DLG2: variants seen among roughly 807,000 people sequenced by gnomAD.
DLG2 encodes the protein disks large homolog 2.
DLG2 carries 45 observed loss-of-function variants against 132.5 expected under a neutral mutation model. The ratio of observed to expected loss-of-function variants is 0.34; its 90% CI spans 0.27 to 0.44. The LOEUF (loss-of-function observed/expected upper bound fraction) is 0.44. DLG2 is among the 20% of genes least tolerant of loss of function. DLG2 has a pLI of 1.00. For synonymous variants in DLG2, 424 were observed against 419.6 expected, an observed-to-expected ratio of 1.01 and a Z score of -0.13; for missense variants, 1,045 against 1,196.9, an observed-to-expected ratio of 0.87 and a Z score of 1.87.
chr11:83,814,934 G>T (rs367548268), intron 17 of DLG2: 3 of 188,530 alleles, frequency 1.6e-5, no homozygotes, highest in East Asian at 2.5e-4. Flanking sequence ...GCACAGTCAA[G>T]AAATGGAAAT....
At chr11:83,650,139 C>T (rs760413133) in intron 18 of DLG2, among the ~76,000 whole-genome samples, 7 of 152,168 alleles carry the variant, frequency 4.6e-5, no homozygotes, top group Non-Finnish European at 7.3e-5. Flanking sequence ...TGCCCGTGTG[C>T]AGTAGGCTGA....
At chr11:84,844,436 A>G (rs1291525347) in intron 6 of DLG2, among the ~76,000 whole-genome samples, 1 of 151,556 alleles carries the variant, frequency 6.6e-6, no homozygotes, top group Admixed American at 6.6e-5. Flanking sequence ...ACATTCCACA[A>G]TTTCTCTTCA....
intron 10 of DLG2, among the ~76,000 whole-genome samples, chr11:84,094,955 A>G (rs937537560): frequency 1.3e-5 from 2 of 152,242 alleles, no homozygotes; most frequent in Admixed American, 6.5e-5. Flanking sequence ...AAGGAAACAT[A>G]GCAGATTCAG....
chr11:85,187,178 A>T (rs1017179267), intron 4 of DLG2, among the ~76,000 whole-genome samples: 3 of 152,156 alleles, frequency 2.0e-5, no homozygotes, highest in Non-Finnish European at 2.9e-5. Flanking sequence ...CCAGGGGGGA[A>T]ATCTATAGAA....
rs560810738 is a variant in DLG2 at position 83,987,538 on chromosome 11, T to A, written c.920-6896A>T. Among the ~76,000 whole-genome samples, 91 of 152,138 alleles carry A rather than the reference T, an allele frequency of 6.0e-4. 2 individuals are homozygous for A. Among genetic ancestry groups the A allele is most frequent in the Admixed American group, 3.8e-3 (58 of 15,262 alleles). On this transcript the variant is annotated intron_variant, in intron 11 of 27. Coordinates refer to ENST00000376104, the MANE Select transcript of DLG2 (RefSeq NM_001142699.3). ...AACAGAACAGAGCCCTCAGAAATAA[T>A]ACCGCATATCTACAACTATCTGATC...
intron 15 of DLG2, among the ~76,000 whole-genome samples, chr11:83,906,257 TCACACACACACACACACACACACACACA>T (rs540642615): frequency 1.2e-4 from 8 of 67,192 alleles, no homozygotes; most frequent in African/African-American, 3.1e-4. Flanking sequence ...TCTCTCTCTC[TCACACACACACACACACACACACACACA>T]CACACACACA....
chr11:85,503,969 G>A (rs549021149), intron 3 of DLG2, among the ~76,000 whole-genome samples: 31 of 152,228 alleles, frequency 2.0e-4, no homozygotes, highest in African/African-American at 7.2e-4. Context: ...CAGTGATGAT[G>A]AGCATTTTGT....
At chr11:83,596,537 C>T (rs1405709338) in intron 19 of DLG2, among the ~76,000 whole-genome samples, 7 of 152,178 alleles carry the variant, frequency 4.6e-5, no homozygotes, top group Admixed American at 4.6e-4. Context: ...CTGGTCTCAG[C>T]CGCCTATGAT....
chr11:83,689,973 TATTATAATA>T (rs1326648939), intron 18 of DLG2, among the ~76,000 whole-genome samples: 2 of 136,496 alleles, frequency 1.5e-5, no homozygotes, highest in Non-Finnish European at 1.5e-5. Flanking sequence ...TATATATTTA[TATTATAATA>T]TATTTATTAT....
intron 6 of DLG2, among the ~76,000 whole-genome samples, chr11:84,684,520 TG>T (rs1299527975): frequency 6.6e-6 from 1 of 152,188 alleles, no homozygotes; most frequent in East Asian, 1.9e-4. Flanking sequence ...ATCAACTCTA[TG>T]GGTACCCTTC....
At position 85,516,471 on chromosome 11, in the gene DLG2, C is replaced by CA. The variant is rs548295247; in HGVS notation, c.40+82185dup. On this transcript the variant is annotated intron_variant, in intron 3 of 27. Coordinates refer to ENST00000376104, the MANE Select transcript of DLG2 (RefSeq NM_001142699.3). ...GAGCAGAATTAAATGAAATTGAGAC[C>CA]AAAAAAAAGAATCAACCAAATGAAA... Among the ~76,000 whole-genome samples, 49 of 150,640 alleles carry CA rather than the reference C, an allele frequency of 3.3e-4. 1 individual carries two copies. The South Asian group carries it at 8.8e-3, about 27-fold the overall frequency.
At chr11:85,322,519 G>C (rs1157316447) in intron 3 of DLG2, among the ~76,000 whole-genome samples, 1 of 152,172 alleles carries the variant, frequency 6.6e-6, no homozygotes, top group Admixed American at 6.5e-5. Flanking sequence ...AGCTGATATT[G>C]CTTCCCTATG....
chr11:85,299,782 T>C (rs912657444), intron 3 of DLG2, among the ~76,000 whole-genome samples: 2 of 152,180 alleles, frequency 1.3e-5, no homozygotes, highest in Admixed American at 6.6e-5. Context: ...ACTTTTCTAA[T>C]AAATTCCCAT....
chr11:84,133,319 T>A (rs1182314247), intron 9 of DLG2, among the ~76,000 whole-genome samples: 1 of 152,080 alleles, frequency 6.6e-6, no homozygotes, highest in East Asian at 1.9e-4. Flanking sequence ...TTATTATTGA[T>A]GTTTTTAGTT....
chr11:84,658,930 C>T (rs1017811640), intron 6 of DLG2, among the ~76,000 whole-genome samples: 1 of 152,166 alleles, frequency 6.6e-6, no homozygotes, highest in African/African-American at 2.4e-5. Context: ...TGTGAGATTA[C>T]ATCAAGAAGA....
intron 3 of DLG2, among the ~76,000 whole-genome samples, chr11:85,488,962 A>G (rs1565572189): frequency 6.6e-6 from 1 of 152,324 alleles, no homozygotes; most frequent in South Asian, 2.1e-4. Context: ...AAAAAGAATC[A>G]GATGATACCA....
chr11:84,016,562 G>T (rs957178499), intron 11 of DLG2, among the ~76,000 whole-genome samples: 1 of 151,930 alleles, frequency 6.6e-6, no homozygotes, highest in Non-Finnish European at 1.5e-5. Context: ...TCAATTTTCT[G>T]CCTATGGCTA....
chr11:83,781,893 G>C (rs938609691), intron 18 of DLG2, among the ~76,000 whole-genome samples: 10 of 152,084 alleles, frequency 6.6e-5, no homozygotes, highest in African/African-American at 2.4e-4. Flanking sequence ...ATCTGACTTG[G>C]GGAAATGCTG....
chr11:84,624,064 A>G (rs2099618224), intron 6 of DLG2, among the ~76,000 whole-genome samples: 1 of 152,232 alleles, frequency 6.6e-6, no homozygotes, highest in Admixed American at 6.5e-5. Flanking sequence ...AAAATCTTTG[A>G]ATAATGTAGG....
Sources: allele counts gnomAD v4.1 joint callset (sites outside exome capture counted in the v4.1 genomes callset), GRCh38; gene constraint gnomAD v4.1.1; transcripts MANE v1.5; gene names NCBI Gene and HGNC (gene_info 2026-07-23, HGNC 2026-07-21).